Variants in MET observed in about 807,000 individuals in gnomAD.
MET encodes the protein hepatocyte growth factor receptor.
Under a neutral mutation model 133.1 loss-of-function variants are expected in MET, and 48 were observed. That is an observed-to-expected ratio of 0.36 (90% CI 0.29 to 0.46). The LOEUF (loss-of-function observed/expected upper bound fraction) is 0.46. Among genes scored for constraint, MET ranks in the 20% least tolerant of loss-of-function variants. MET has a pLI of 1.00. For synonymous variants in MET, 628 were observed against 616.5 expected, an observed-to-expected ratio of 1.02 and a Z score of -0.28; for missense variants, 1,442 against 1,695.9, an observed-to-expected ratio of 0.85 and a Z score of 2.63.
intron 3 of MET, among the ~76,000 whole-genome samples, chr7:116,733,766 T>C (rs1020903608): frequency 6.6e-6 from 1 of 152,204 alleles, no homozygotes; most frequent in Non-Finnish European, 1.5e-5. Flanking sequence ...TATCAAGAAC[T>C]ACCTAACTTT....
intron 2 of MET, among the ~76,000 whole-genome samples, chr7:116,703,137 A>G (rs574571138): frequency 6.6e-6 from 1 of 152,174 alleles, no homozygotes; most frequent in Non-Finnish European, 1.5e-5. Context: ...GTCTCCACAT[A>G]TGATGCTGTT....
At chr7:116,788,911 T>A (rs1252548856) in intron 19 of MET, among the ~76,000 whole-genome samples, 2 of 152,240 alleles carry the variant, frequency 1.3e-5, no homozygotes, top group African/African-American at 4.8e-5. Context: ...GGAGTGTCAC[T>A]ACACTGGAAA....
chr7:116,766,348 A>C (rs554286914), intron 11 of MET, among the ~76,000 whole-genome samples: 1 of 152,292 alleles, frequency 6.6e-6, no homozygotes, highest in Admixed American at 6.5e-5. Flanking sequence ...CAGGAAGATG[A>C]GCCAGGGCAG....
At position 116,699,176 on chromosome 7, in the gene MET, C is replaced by A; in HGVS notation, c.92C>A (p.Ala31Glu). 6.2e-7 allele frequency: 1 copy of A among 1,613,938 alleles called. No individual in the cohort carries two copies. Among genetic ancestry groups the A allele is most frequent in the Non-Finnish European group, 8.5e-7 (1 of 1,179,892 alleles). ...AATGGGGAGTGTAAAGAGGCACTAG[C>A]AAAGTCCGAGATGAATGTGAATATG... ...RSNGECKEALAKSEMNVNMKY... is the reference protein window; with the variant it reads ...RSNGECKEALEKSEMNVNMKY... The change falls in exon 2 of 21, where the codon GCA becomes GAA. Residue 31 changes from alanine to glutamate, a missense_variant. Transcript: ENST00000397752.
At chr7:116,772,901 C>T (rs1052171459) in intron 14 of MET, among the ~76,000 whole-genome samples, 1 of 152,122 alleles carries the variant, frequency 6.6e-6, no homozygotes. Context: ...ATTCCATTCA[C>T]CTTTAAAAAT....
At chr7:116,676,074 C>G (rs1036649236) in intron 1 of MET, among the ~76,000 whole-genome samples, 1 of 152,092 alleles carries the variant, frequency 6.6e-6, no homozygotes, top group Middle Eastern at 3.2e-3. Flanking sequence ...GAAAAAATCA[C>G]GTGTGGCATT....
intron 1 of MET, among the ~76,000 whole-genome samples, chr7:116,673,264 A>G (rs1315508035): frequency 6.6e-6 from 1 of 152,228 alleles, no homozygotes; most frequent in South Asian, 2.1e-4. Flanking sequence ...TCCCATTCAT[A>G]TCTTTCATGT....
Position 116,762,941 on chromosome 7 carries a change from T to G in MET, c.2365-109T>G. On this transcript the variant is annotated intron_variant, in intron 10 of 20. Transcript: ENST00000397752. ...AACATTAGGAAGTTAAATACAGATTTTTTCAAAAATTATATATTTTCAATT... is the reference window on the plus strand; with the variant it reads ...AACATTAGGAAGTTAAATACAGATTGTTTCAAAAATTATATATTTTCAATT... The G allele has an allele frequency of 1.2e-5, 11 of 954,082 alleles. No homozygotes were observed. The South Asian group carries it at 1.5e-4, about 13-fold the overall frequency. The allele number at this position is 954,082 out of a possible 1,614,324, so 59.1% of individuals were successfully genotyped here.
chr7:116,747,928 A>G (rs1793755824), intron 5 of MET, among the ~76,000 whole-genome samples: 1 of 152,158 alleles, frequency 6.6e-6, no homozygotes, highest in Non-Finnish European at 1.5e-5. Flanking sequence ...TGACACTACA[A>G]TCAAATTAGA....
intron 2 of MET, chr7:116,724,849 T>G (rs1294129869): frequency 7.8e-7 from 1 of 1,288,312 alleles, no homozygotes; most frequent in African/African-American, 1.5e-5. Flanking sequence ...GCACTGAAGG[T>G]AATGTGAACA....
At chr7:116,764,319 C>A (rs1193349558) in intron 11 of MET, among the ~76,000 whole-genome samples, 1 of 151,948 alleles carries the variant, frequency 6.6e-6, no homozygotes, top group Non-Finnish European at 1.5e-5. Flanking sequence ...AGTGTGTTTA[C>A]AAAAGCAAAG....
At chr7:116,758,352 T>G in intron 8 of MET, 107 bp from the exon 9 acceptor site, 2 of 1,190,510 alleles carry the variant, frequency 1.7e-6, no homozygotes, top group Non-Finnish European at 2.4e-6. Flanking sequence ...CTCAGGAAAT[T>G]CCCACTTAGG....
intron 3 of MET, among the ~76,000 whole-genome samples, chr7:116,734,725 T>C (rs993008015): frequency 6.6e-5 from 10 of 152,210 alleles, no homozygotes; most frequent in African/African-American, 2.4e-4. Context: ...ATGTTTGAGA[T>C]AGTGTAAGTG....
rs761366196 is a variant in MET, at chr7:116,772,003, T to C, written c.3028+14T>C. On this transcript the variant is annotated intron_variant, in intron 14 of 20. Coordinates refer to ENST00000397752, the MANE Select transcript of MET (RefSeq NM_000245.4). ...CTTTTCCAGAAGGTATATTTCAGTT[T>C]ATTGTTCTGAGAAATACCTATACAT... The C allele has an allele frequency of 6.2e-7, 1 of 1,613,430 alleles. No individual in the cohort carries two copies. The highest frequency in any genetic ancestry group is 8.5e-7 in the Non-Finnish European group (1 of 1,179,546).
At chr7:116,767,378 A>G (rs577825127) in intron 11 of MET, among the ~76,000 whole-genome samples, 1 of 152,324 alleles carries the variant, frequency 6.6e-6, no homozygotes, top group Admixed American at 6.5e-5. Flanking sequence ...ATCCATTTTG[A>G]CATTGCAGTG....
At chr7:116,736,181 C>A (rs1444311107) in intron 3 of MET, among the ~76,000 whole-genome samples, 1 of 151,902 alleles carries the variant, frequency 6.6e-6, no homozygotes, top group Non-Finnish European at 1.5e-5. Flanking sequence ...ATGTCCATAA[C>A]TAAAAATCAA....
In MET at chr7:116,707,465, G is replaced by A. The variant is rs181747548; in HGVS notation, c.1200+7181G>A. On this transcript the variant is annotated intron_variant, in intron 2 of 20. Coordinates refer to ENST00000397752, the MANE Select transcript of MET (RefSeq NM_000245.4). ...TTTTGATTTGTAAACCATTCTCTTC[G>A]AAGGCTGATTTTATAAAAATTAAGT... 4.6e-4 allele frequency among the ~76,000 whole-genome samples: 70 copies of A among 152,158 alleles called. No individual in the cohort carries two copies. In the South Asian group the frequency reaches 5.6e-3, roughly 12 times the overall value.
At chr7:116,718,329 A>T (rs1792326153) in intron 2 of MET, among the ~76,000 whole-genome samples, 1 of 152,160 alleles carries the variant, frequency 6.6e-6, no homozygotes, top group Non-Finnish European at 1.5e-5. Flanking sequence ...CGGAGGTTGT[A>T]GTGAGCCGAG....
chr7:116,777,949 A>G (rs1042157413), intron 16 of MET, among the ~76,000 whole-genome samples: 1 of 152,240 alleles, frequency 6.6e-6, no homozygotes, highest in African/African-American at 2.4e-5. Context: ...GTAATACCTC[A>G]TTTATCCACA....
Sources: allele counts gnomAD v4.1 joint callset (sites outside exome capture counted in the v4.1 genomes callset), GRCh38; gene constraint gnomAD v4.1.1; transcripts MANE v1.5; gene names NCBI Gene and HGNC (gene_info 2026-07-23, HGNC 2026-07-21).